Variants in CCDC136 observed in about 807,000 individuals in gnomAD.
CCDC136 encodes the protein coiled-coil domain containing 136.
In CCDC136, 100 loss-of-function variants were observed where a neutral mutation model predicts 141.2. That is an observed-to-expected ratio of 0.71 (90% CI 0.60 to 0.84). The LOEUF (loss-of-function observed/expected upper bound fraction) is 0.84, where lower values mean the gene tolerates loss of function less well. Among genes scored for constraint, CCDC136 ranks in the 40% least tolerant of loss-of-function variants. The pLI is 0.00. For missense variants in CCDC136, 1,206 were observed against 1,379.4 expected, an observed-to-expected ratio of 0.87 and a Z score of 1.99; for synonymous variants, 474 against 531.9, an observed-to-expected ratio of 0.89 and a Z score of 1.50.
At position 128,792,004 on chromosome 7, in the gene CCDC136, C is replaced by T; in HGVS notation, c.-408C>T. ...GGCCACCTCAGCCTTTCAGCCTCTT[C>T]TTCACTGGCTCCCGCCCTCTTTCAG... On this transcript the variant is annotated 5_prime_UTR_variant, in exon 1 of 18. Coordinates refer to ENST00000297788, the MANE Select transcript of CCDC136 (RefSeq NM_022742.5). The T allele has an allele frequency of 8.4e-7, 1 of 1,191,052 alleles. No individual in the cohort carries two copies. Among genetic ancestry groups the T allele is most frequent in the Non-Finnish European group, 1.0e-6 (1 of 959,130 alleles). 73.8% of individuals were successfully genotyped at this position (1,191,052 alleles called of 1,614,324 possible). A position where few individuals can be genotyped will look rare whatever the true frequency, so the allele number is the denominator to read the frequency against.
intron 16 of CCDC136, 114 bp downstream of exon 16, chr7:128,816,045 G>A (rs1188183856): frequency 2.7e-5 from 27 of 1,006,810 alleles, no homozygotes; most frequent in South Asian, 8.6e-5. Context: ...GAGGCCTCGC[G>A]CTCTAAGGCA....
In CCDC136 at chr7:128,814,758, G is replaced by A; in HGVS notation, c.2884G>A (p.Glu962Lys). Reference sequence around the variant, plus strand: ...GGAGGGGCAGCTGCAGTGCTGCCAGGAGGAGCTCCGCCAGCTCAGGGAGAA... The same window carrying A: ...GGAGGGGCAGCTGCAGTGCTGCCAGAAGGAGCTCCGCCAGCTCAGGGAGAA... Reference protein sequence around the residue: ...QLEGQLQCCQEELRQLREKRP... With the variant: ...QLEGQLQCCQKELRQLREKRP... The change falls in exon 15 of 18, where the codon GAG (glutamate) becomes AAG (lysine). Residue 962 changes from glutamate to lysine, a missense_variant. Physicochemically the swap from Glu to Lys is moderately conservative, Grantham distance 56. Coordinates refer to ENST00000297788, the MANE Select transcript of CCDC136 (RefSeq NM_022742.5). 6.2e-7 allele frequency: 1 copy of A among 1,613,614 alleles called. No homozygotes were observed. The highest frequency in any genetic ancestry group is 2.2e-5 in the East Asian group (1 of 44,866).
chr7:128,798,042 C>G (rs111696074), intron 3 of CCDC136, among the ~76,000 whole-genome samples: 1 of 147,742 alleles, frequency 6.8e-6, no homozygotes, highest in Non-Finnish European at 1.5e-5. Flanking sequence ...CTCAGCCTCC[C>G]GAGTAGCTGA....
Position 128,792,151 on chromosome 7 carries a change from T to C in CCDC136, c.-261T>C. The C allele has an allele frequency of 7.0e-7, 1 of 1,426,208 alleles. No homozygotes were observed. Among genetic ancestry groups the C allele is most frequent in the African/African-American group, 1.5e-5 (1 of 68,182 alleles). The allele number at this position is 1,426,208 out of a possible 1,614,324, so 88.3% of individuals were successfully genotyped here. On this transcript the variant is annotated 5_prime_UTR_variant, in exon 1 of 18. Coordinates refer to ENST00000297788, the MANE Select transcript of CCDC136 (RefSeq NM_022742.5). ...GAGGCTGGGAGGCAGGGCTGAGAGG[T>C]GGCCGAGAGAGAGGAGTCGCAGAGC...
At chr7:128,806,529 T>C in intron 8 of CCDC136, 134 bp downstream of exon 8, 1 of 1,078,730 alleles carries the variant, frequency 9.3e-7, no homozygotes, top group Non-Finnish European at 1.3e-6. Flanking sequence ...GGTAAAGAAC[T>C]CCAGCCCTGC....
Position 128,812,769 on chromosome 7 carries a change from A to G in CCDC136, c.2603A>G (p.Gln868Arg). Reference protein sequence around the residue: ...IKLQAVQAMYQISQEEHSQLQ... With the variant: ...IKLQAVQAMYRISQEEHSQLQ... ...CTGCAGGCGGTGCAGGCCATGTACC[A>G]GATAAGCCAGGAGGAACACAGCCAG... The change falls in exon 14 of 18, where the codon CAG becomes CGG. Residue 868 changes from glutamine (Q) to arginine (R), a missense_variant. Physicochemically the swap from Gln to Arg is conservative, Grantham distance 43. Transcript: ENST00000297788. 1 of 1,613,616 alleles carries G rather than the reference A, an allele frequency of 6.2e-7. No homozygotes were observed. The highest frequency in any genetic ancestry group is 8.5e-7 in the Non-Finnish European group (1 of 1,179,838).
Position 128,809,563 on chromosome 7 carries a change from G to A in CCDC136, c.1719G>A (p.Arg573=). The A allele has an allele frequency of 6.4e-7, 1 of 1,567,214 alleles. No homozygotes were observed. The highest frequency in any genetic ancestry group is 8.6e-7 in the Non-Finnish European group (1 of 1,156,586). Residue 573 remains arginine (R), a synonymous_variant, in exon 11 of 18, where the codon AGG becomes AGA. Transcript: ENST00000297788. ...EQCELLEDQR[R]MQEEQGQLQE... ...GTGAGCTCCTGGAGGATCAGAGGAG[G>A]ATGCAGGAGGAGCAGGGCCAGCTGC...
chr7:128,816,146 C>T (rs78928380), intron 16 of CCDC136, among the ~76,000 whole-genome samples: 52 of 152,358 alleles, frequency 3.4e-4, no homozygotes, highest in African/African-American at 1.2e-3. Context: ...TGCTGTGGAA[C>T]CACCTCACAA....
At position 128,821,122 on chromosome 7, in the gene CCDC136, C is replaced by T. The variant is rs758711010; in HGVS notation, c.*6-677C>T. 3.3e-5 allele frequency among the ~76,000 whole-genome samples: 5 copies of T among 152,194 alleles called. No homozygotes were observed. The highest frequency in any genetic ancestry group is 7.3e-5 in the Non-Finnish European group (5 of 68,038). On this transcript the variant is annotated intron_variant, in intron 17 of 17. Coordinates refer to ENST00000297788, the MANE Select transcript of CCDC136 (RefSeq NM_022742.5). The surrounding 1 kb of genome is among the most constrained non-coding windows in gnomAD (Gnocchi z 5.1). The stretch of plus-strand genomic sequence containing the variant: ...ATATCTTCGATGGTGCCACTTGTCC[C>T]ATGAATCAGCAGGGTTCCCTAGTGG...
chr7:128,793,792 A>G (rs1262453637), intron 1 of CCDC136, among the ~76,000 whole-genome samples: 5 of 151,992 alleles, frequency 3.3e-5, no homozygotes, highest in Non-Finnish European at 4.4e-5. Context: ...TTGTATTTTT[A>G]GTAGAGAAGG....
intron 13 of CCDC136, among the ~76,000 whole-genome samples, 160 bp from the exon 14 acceptor site, chr7:128,812,548 C>G (rs1462031513): frequency 6.6e-6 from 1 of 151,906 alleles, no homozygotes; most frequent in Non-Finnish European, 1.5e-5. Flanking sequence ...GTTTCCTCAC[C>G]ACAGCCACGA....
chr7:128,805,169 CA>C lies in CCDC136; in HGVS notation c.783-189del, dbSNP rs1401590516. Among the ~76,000 whole-genome samples, 4 of 152,296 alleles carry C rather than the reference CA, an allele frequency of 2.6e-5. No individual in the cohort carries two copies. In the East Asian group the frequency reaches 7.7e-4, roughly 29 times the overall value. ...ACTCTAAGGGTCTCCCAGAGCCAAA[CA>C]CACCTTTGCAGATTGAGGGGCTGGA... On this transcript the variant is annotated intron_variant, in intron 5 of 17. Transcript: ENST00000297788. This position sits in a 1 kb window ranked among gnomAD's most constrained non-coding sequence, Gnocchi z 4.6.
Position 128,809,563 on chromosome 7 carries a change from G to C in CCDC136, c.1719G>C (p.Arg573Ser). The change falls in exon 11 of 18, where the codon AGG becomes AGC. Residue 573 changes from arginine to serine, a missense_variant. Arg to Ser is a moderately radical substitution (Grantham distance 110, BLOSUM62 -1). Transcript: ENST00000297788. Reference protein sequence around the residue: ...EQCELLEDQRRMQEEQGQLQE... With the variant: ...EQCELLEDQRSMQEEQGQLQE... ...GTGAGCTCCTGGAGGATCAGAGGAG[G>C]ATGCAGGAGGAGCAGGGCCAGCTGC... The C allele has an allele frequency of 6.4e-7, 1 of 1,567,214 alleles. No individual in the cohort carries two copies. The highest frequency in any genetic ancestry group is 8.6e-7 in the Non-Finnish European group (1 of 1,156,586).
intron 13 of CCDC136, 21 bp downstream of exon 13, chr7:128,812,333 G>A (rs767348098): frequency 3.1e-6 from 5 of 1,602,700 alleles, no homozygotes; most frequent in Non-Finnish European, 3.4e-6. Flanking sequence ...CCAGGTGACA[G>A]GTCAGGCAGG....
intron 5 of CCDC136, 34 bp downstream of exon 5, chr7:128,804,795 G>A (rs1300510366): frequency 7.4e-7 from 1 of 1,353,098 alleles, no homozygotes; most frequent in Non-Finnish European, 1.0e-6. Flanking sequence ...GAGGTCATGG[G>A]GTTCCACAGG....
In CCDC136 at chr7:128,801,621, C is replaced by A. The variant is rs941898449; in HGVS notation, c.670+112C>A. 1.6e-5 allele frequency: 13 copies of A among 813,598 alleles called. No homozygotes were observed. The Admixed American group carries it at 3.8e-4, about 24-fold the overall frequency. The allele number at this position is 813,598 out of a possible 1,614,324, so 50.4% of individuals were successfully genotyped here. On this transcript the variant is annotated intron_variant, in intron 4 of 17. Transcript: ENST00000297788. ...ATGAATTGGGAATCTCTAGAAAAAACCTCCAGGTTGAATTCAAGACTGTAG... is the reference window on the plus strand; with the variant it reads ...ATGAATTGGGAATCTCTAGAAAAAAACTCCAGGTTGAATTCAAGACTGTAG...
intron 16 of CCDC136, among the ~76,000 whole-genome samples, chr7:128,816,954 G>A (rs1448321343): frequency 6.6e-6 from 1 of 152,174 alleles, no homozygotes; most frequent in African/African-American, 2.4e-5. Context: ...CATTACCTAA[G>A]ATGTGGAAAG....
intron 1 of CCDC136, among the ~76,000 whole-genome samples, chr7:128,793,859 AC>A (rs1802558947): frequency 6.6e-6 from 1 of 151,896 alleles, no homozygotes; most frequent in Admixed American, 6.6e-5. Context: ...TAATCCACCC[AC>A]CTCAGCCTCC....
chr7:128,796,739 A>ATATATATATATATATATTTTT, intron 3 of CCDC136, among the ~76,000 whole-genome samples: 1 of 113,376 alleles, frequency 8.8e-6, no homozygotes, highest in African/African-American at 4.6e-5. Context: ...ATATATATAT[A>ATATATATATATATATATTTTT]TTCTTTTTTT....
Sources: allele counts gnomAD v4.1 joint callset (sites outside exome capture counted in the v4.1 genomes callset), GRCh38; gene constraint gnomAD v4.1.1; non-coding constraint Gnocchi (gnomAD v3.1); transcripts MANE v1.5; gene names NCBI Gene and HGNC (gene_info 2026-07-23, HGNC 2026-07-21).